NCK1: variants seen among roughly 807,000 people sequenced by gnomAD.
The protein encoded by NCK1 is NCK adaptor protein 1.
NCK1 carries 19 observed loss-of-function variants against 36.6 expected under a neutral mutation model. That is an observed-to-expected ratio of 0.52 (90% CI 0.36 to 0.76). The LOEUF (loss-of-function observed/expected upper bound fraction) is 0.76. Among genes scored for constraint, NCK1 ranks in the 30% least tolerant of loss-of-function variants. NCK1 has a pLI of 0.00. For missense variants in NCK1, 358 were observed against 445.6 expected (o/e 0.80, Z 1.77); for synonymous variants, 165 against 156.0 (o/e 1.06, Z -0.43).
intron 1 of NCK1, among the ~76,000 whole-genome samples, chr3:136,882,414 A>C (rs1457441468): frequency 6.6e-6 from 1 of 152,116 alleles, no homozygotes; most frequent in Non-Finnish European, 1.5e-5. Context: ...TTGTCTGTCC[A>C]TTTAACTCAT....
chr3:136,914,678 C>T (rs941020313), intron 1 of NCK1, among the ~76,000 whole-genome samples: 4 of 152,230 alleles, frequency 2.6e-5, no homozygotes, highest in Admixed American at 6.5e-5. Context: ...ATCTTTTTTG[C>T]GCCCTAATGT....
chr3:136,941,250 C>G (rs549068816), intron 2 of NCK1, among the ~76,000 whole-genome samples: 2 of 151,288 alleles, frequency 1.3e-5, no homozygotes, highest in Middle Eastern at 3.2e-3. Context: ...GTCAGCCTCT[C>G]GAGTAGCTGG....
intron 1 of NCK1, among the ~76,000 whole-genome samples, chr3:136,872,780 C>T (rs569479772): frequency 5.8e-4 from 89 of 152,290 alleles, no homozygotes; most frequent in African/African-American, 1.9e-3. Flanking sequence ...AAGGGGCCAG[C>T]GTAGAGCTTG....
In NCK1 at chr3:136,947,254, G is replaced by C. The variant is rs183987172; in HGVS notation, c.939+959G>C. Among the ~76,000 whole-genome samples the C allele has an allele frequency of 2.0e-5, 3 of 152,208 alleles. No individual in the cohort carries two copies. The East Asian group carries it at 5.8e-4, about 29-fold the overall frequency. ...GACATCCATTTTCTGTTAGTTGCCT[G>C]ATCTGGCTCACTGTTTGAAACTTTG... is the stretch of plus-strand genomic sequence containing the variant. On this transcript the variant is annotated intron_variant, in intron 3 of 3. Transcript: ENST00000481752.
intron 1 of NCK1, among the ~76,000 whole-genome samples, chr3:136,900,724 A>G (rs6783508): frequency 0.68 from 103,554 of 151,814 alleles, 35,591 homozygotes; most frequent in East Asian, 0.87. Flanking sequence ...AACACTCCCT[A>G]CTTCACAGAT....
At chr3:136,877,622 G>C (rs1202710762) in intron 1 of NCK1, among the ~76,000 whole-genome samples, 1 of 152,088 alleles carries the variant, frequency 6.6e-6, no homozygotes, top group Non-Finnish European at 1.5e-5. Context: ...TGACAGTAAA[G>C]GATACTTTTA....
At chr3:136,931,811 A>G (rs965967229) in intron 2 of NCK1, among the ~76,000 whole-genome samples, 6 of 152,186 alleles carry the variant, frequency 3.9e-5, no homozygotes, top group Admixed American at 3.3e-4. Context: ...TAAAGCAACC[A>G]GAAATGACAT....
intron 1 of NCK1, among the ~76,000 whole-genome samples, chr3:136,875,805 A>G (rs1340031714): frequency 6.7e-6 from 1 of 150,134 alleles, no homozygotes; most frequent in African/African-American, 2.5e-5. Flanking sequence ...AAGTGGACCT[A>G]ATAGACATCT....
chr3:136,919,591 A>G (rs773439768), intron 1 of NCK1, among the ~76,000 whole-genome samples: 4 of 152,198 alleles, frequency 2.6e-5, no homozygotes, highest in Non-Finnish European at 5.9e-5. Flanking sequence ...GCTAATGTAA[A>G]TACATGAATA....
intron 2 of NCK1, among the ~76,000 whole-genome samples, chr3:136,935,080 T>C (rs1221812919): frequency 6.6e-6 from 1 of 152,112 alleles, no homozygotes; most frequent in Admixed American, 6.5e-5. Flanking sequence ...TTTTGTATTT[T>C]TAGTACTGAC....
At chr3:136,888,030 C>T (rs569921484) in intron 1 of NCK1, among the ~76,000 whole-genome samples, 6 of 151,706 alleles carry the variant, frequency 4.0e-5, no homozygotes, top group Admixed American at 1.3e-4. Context: ...CTGTAACCTC[C>T]GACTCCTAGG....
rs142439304 is a variant in NCK1, at chr3:136,890,937, A to G, written c.-19+28584A>G. On this transcript the variant is annotated intron_variant, in intron 1 of 3. Coordinates refer to ENST00000481752, the MANE Select transcript of NCK1 (RefSeq NM_001291999.2). ...AATCACCATTCTACTTTCTATCTCT[A>G]TGAATTTGACAACTCCTGGAACCAT... 1.5e-3 allele frequency among the ~76,000 whole-genome samples: 232 copies of G among 152,258 alleles called. 2 individuals carry two copies. Among genetic ancestry groups the G allele is most frequent in the South Asian group, 6.2e-4 (3 of 4,820 alleles).
At chr3:136,890,325 G>T (rs1014745208) in intron 1 of NCK1, among the ~76,000 whole-genome samples, 73 of 152,104 alleles carry the variant, frequency 4.8e-4, no homozygotes, top group African/African-American at 1.7e-3. Context: ...CGCCCACCCG[G>T]AACTCCAGCT....
At chr3:136,895,980 GCTTCT>G (rs1335792185) in intron 1 of NCK1, among the ~76,000 whole-genome samples, 1 of 151,676 alleles carries the variant, frequency 6.6e-6, no homozygotes, top group Non-Finnish European at 1.5e-5. Context: ...CTTTTTCTTT[GCTTCT>G]CTTCTCCTTT....
chr3:136,918,829 T>C (rs944803939), intron 1 of NCK1, among the ~76,000 whole-genome samples: 2 of 152,210 alleles, frequency 1.3e-5, no homozygotes, highest in African/African-American at 4.8e-5. Context: ...ATGTAACCTT[T>C]CTTGGCCTCA....
At chr3:136,925,696 G>C (rs1454737976) in intron 1 of NCK1, among the ~76,000 whole-genome samples, 1 of 152,052 alleles carries the variant, frequency 6.6e-6, no homozygotes, top group Non-Finnish European at 1.5e-5. Flanking sequence ...TGCATCAATT[G>C]TTCTTTTTGG....
intron 2 of NCK1, among the ~76,000 whole-genome samples, chr3:136,934,152 A>T (rs1940463030): frequency 6.6e-6 from 1 of 151,574 alleles, no homozygotes; most frequent in South Asian, 2.1e-4. Context: ...TTATGAATTT[A>T]TTTTTTTACA....
intron 1 of NCK1, among the ~76,000 whole-genome samples, chr3:136,911,865 GT>G (rs558429057): frequency 2.7e-5 from 4 of 148,292 alleles, no homozygotes; most frequent in African/African-American, 2.5e-5. Context: ...TTAGCTGACA[GT>G]TTTTTTTTTA....
At chr3:136,914,156 G>A (rs922542304) in intron 1 of NCK1, among the ~76,000 whole-genome samples, 1 of 152,194 alleles carries the variant, frequency 6.6e-6, no homozygotes, top group Non-Finnish European at 1.5e-5. Flanking sequence ...AACAATAGCT[G>A]CCTGCTTCTG....
Sources: gnomAD v4.1 joint callset for allele counts (sites outside exome capture counted in the v4.1 genomes callset) on GRCh38, gnomAD v4.1.1 for gene constraint, MANE v1.5 for transcripts, NCBI Gene and HGNC (gene_info 2026-07-23, HGNC 2026-07-21) for gene names.